Variants in ARHGAP33 observed in about 807,000 individuals in gnomAD.
The protein encoded by ARHGAP33 is Rho GTPase activating protein 33, also known as rho GTPase-activating protein 33.
A neutral mutation model predicts 126.2 loss-of-function variants in ARHGAP33; 57 were observed. The ratio of observed to expected loss-of-function variants is 0.45; its 90% confidence interval spans 0.36 to 0.56. The LOEUF (loss-of-function observed/expected upper bound fraction) is 0.56. Among genes scored for constraint, ARHGAP33 ranks in the 20% least tolerant of loss-of-function variants. The probability of loss-of-function intolerance (pLI) is 0.00; values close to 1 mark genes in which losing one functional copy is unlikely to be tolerated. For missense variants in ARHGAP33, 1,500 were observed against 1,748.3 expected (o/e 0.86, Z 2.53); for synonymous variants, 711 against 755.0 (o/e 0.94, Z 0.95).
In ARHGAP33 at chr19:35,785,425, C is replaced by T. The variant is rs140975651; in HGVS notation, c.1884C>T (p.Thr628=). The change falls in exon 19 of 21, where the codon ACC becomes ACT. Residue 628 remains threonine, a synonymous_variant. Coordinates refer to ENST00000007510, the MANE Select transcript of ARHGAP33 (RefSeq NM_001366178.1). ...CTCCTGCAGGCAGCAGACCCGACAC[C>T]GTCACACTGAGATCTGCCAAGAGCG... ...PPQPSGSRPD[T]VTLRSAKSEE... is the part of the protein sequence containing the mutation. 1,294 of 1,614,156 alleles carry T rather than the reference C, an allele frequency of 8.0e-4. 15 individuals are homozygous for T. The African/African-American group carries it at 0.016, about 19-fold the overall frequency.
chr19:35,786,985 C>G lies in ARHGAP33; in HGVS notation c.2515C>G (p.Leu839Val). 3 of 1,610,558 alleles carry G rather than the reference C, an allele frequency of 1.9e-6. No individual in the cohort carries two copies. Among genetic ancestry groups the G allele is most frequent in the East Asian group, 2.2e-5 (1 of 44,760 alleles). ...GAGCCTGCGCCCCCATCTCATACCC[C>G]TGCTGCTGCGAGGAGCCGAGGCCCC... The part of the protein sequence containing the change: ...GRSLRPHLIP[L>V]LLRGAEAPLT... The change falls in exon 20 of 21, where the codon CTG becomes GTG. Residue 839 changes from leucine (L) to valine (V), a missense_variant. Physicochemically the swap from Leu to Val is conservative, Grantham distance 32. This residue lies in a region of ARHGAP33 where 642 missense variants were observed against 634.0 expected (regional missense o/e 1.01). Coordinates refer to ENST00000007510, the MANE Select transcript of ARHGAP33 (RefSeq NM_001366178.1). This position sits in a 1 kb window ranked among gnomAD's most constrained non-coding sequence, Gnocchi z 7.0.
intron 16 of ARHGAP33, 62 bp downstream of exon 16, chr19:35,784,379 AGGGCAGGTG>A: frequency 5.4e-6 from 8 of 1,468,776 alleles, no homozygotes; most frequent in Non-Finnish European, 7.2e-6. Flanking sequence ...CTGCAGGGGG[AGGGCAGGTG>A]GGCTCCCAGT....
chr19:35,785,588 C>G, intron 19 of ARHGAP33, 105 bp downstream of exon 19: 1 of 1,545,362 alleles, frequency 6.5e-7, no homozygotes, highest in Non-Finnish European at 8.7e-7. Flanking sequence ...CATTTGGGGG[C>G]CCTGGGGCTT....
chr19:35,778,999 T>C, intron 5 of ARHGAP33, 33 bp from the exon 6 acceptor site: 2 of 1,532,118 alleles, frequency 1.3e-6, no homozygotes, highest in Non-Finnish European at 1.8e-6. Context: ...TCACGTCCAC[T>C]CACAGAGGCC....
intron 16 of ARHGAP33, 62 bp downstream of exon 16, chr19:35,784,379 A>G: frequency 2.0e-6 from 3 of 1,468,758 alleles, no homozygotes; most frequent in Admixed American, 2.4e-5. Context: ...CTGCAGGGGG[A>G]GGGCAGGTGG....
In ARHGAP33 at chr19:35,785,119, C is replaced by T. The variant is rs553100453; in HGVS notation, c.1721+13C>T. On this transcript the variant is annotated intron_variant, in intron 17 of 20. Coordinates refer to ENST00000007510, the MANE Select transcript of ARHGAP33 (RefSeq NM_001366178.1). ...CACCTGCGGAAAGGTGAGTGGGATG[C>T]TGGGGGTGGCGAGGGGCAGGTGGAG... is the stretch of plus-strand genomic sequence containing the variant. 87 of 1,590,636 alleles carry T rather than the reference C, an allele frequency of 5.5e-5. No homozygotes were observed. The highest frequency in any genetic ancestry group is 4.6e-4 in the African/African-American group (34 of 74,578).
intron 16 of ARHGAP33, chr19:35,784,655 C>G: frequency 7.7e-7 from 1 of 1,302,768 alleles, no homozygotes; most frequent in Non-Finnish European, 9.7e-7. Context: ...CGCCCTGCCC[C>G]GGACCCCAGC....
rs1354023808 is a variant in ARHGAP33, at chr19:35,782,282, G to A, written c.1086-91G>A. On this transcript the variant is annotated intron_variant, in intron 12 of 20. Coordinates refer to ENST00000007510, the MANE Select transcript of ARHGAP33 (RefSeq NM_001366178.1). This position sits in a 1 kb window ranked among gnomAD's most constrained non-coding sequence, Gnocchi z 4.1. ...GGGGAAGAGGGTTCCATCCACCTGC[G>A]GGCACTTGGGGGTAGGGGCAAGGGG... is the stretch of plus-strand genomic sequence containing the variant. 1.3e-5 allele frequency: 19 copies of A among 1,456,128 alleles called. No individual in the cohort carries two copies. Among genetic ancestry groups the A allele is most frequent in the Admixed American group, 3.7e-5 (2 of 53,850 alleles). 90.2% of individuals were successfully genotyped at this position (1,456,128 alleles called of 1,614,324 possible).
At chr19:35,781,619 C>T (rs932612662) in intron 12 of ARHGAP33, among the ~76,000 whole-genome samples, 2 of 152,106 alleles carry the variant, frequency 1.3e-5, no homozygotes, top group Non-Finnish European at 2.9e-5. Flanking sequence ...AGGATGGCGA[C>T]GAAGAGCCAA....
At chr19:35,783,835 C>T (rs906894832) in intron 15 of ARHGAP33, among the ~76,000 whole-genome samples, 1 of 142,716 alleles carries the variant, frequency 7.0e-6, no homozygotes, top group East Asian at 2.0e-4. Context: ...GGGTGGGGAC[C>T]GGAAGGAGGC....
chr19:35,788,786 A>G lies in ARHGAP33; in HGVS notation c.*357A>G, dbSNP rs1236908214. ...CTTTCCCCACATGCCCCACTAAACC[A>G]TCTGACAACATTAATGAATAAAATG... On this transcript the variant is annotated 3_prime_UTR_variant, in exon 21 of 21. Coordinates refer to ENST00000007510, the MANE Select transcript of ARHGAP33 (RefSeq NM_001366178.1). 9.1e-6 allele frequency: 2 copies of G among 219,042 alleles called. No individual in the cohort carries two copies. The highest frequency in any genetic ancestry group is 4.6e-5 in the African/African-American group (2 of 43,900). The allele number at this position is 219,042 out of a possible 1,614,324, so 13.6% of individuals were successfully genotyped here.
rs1200165951 is a variant in ARHGAP33, at chr19:35,782,624, G to C, written c.1258G>C (p.Glu420Gln). The change falls in exon 14 of 21, where the codon GAG (glutamate) becomes CAG (glutamine). Residue 420 changes from glutamate to glutamine, a missense_variant. Coordinates refer to ENST00000007510, the MANE Select transcript of ARHGAP33 (RefSeq NM_001366178.1). This position sits in a 1 kb window ranked among gnomAD's most constrained non-coding sequence, Gnocchi z 4.1. ...GGCCATGTCAGTGCCTGGGGAGGAG[G>C]AGCGTCTGGTGCGGGTGCACGATGT... ...SEAMSVPGEE[E>Q]RLVRVHDVIQ... 1.9e-6 allele frequency: 3 copies of C among 1,613,668 alleles called. No homozygotes were observed. Among genetic ancestry groups the C allele is most frequent in the Non-Finnish European group, 2.5e-6 (3 of 1,179,932 alleles).
chr19:35,778,650 C>A, intron 5 of ARHGAP33, 49 bp downstream of exon 5: 1 of 1,582,746 alleles, frequency 6.3e-7, no homozygotes. Context: ...TGTCCTCATC[C>A]ACAGTGTGAA....
At position 35,782,428 on chromosome 19, in the gene ARHGAP33, G is replaced by A; in HGVS notation, c.1141G>A (p.Asp381Asn). The change falls in exon 13 of 21, where the codon GAC (aspartate) becomes AAC (asparagine). Residue 381 changes from aspartate (D) to asparagine (N), a missense_variant. Physicochemically the swap from Asp to Asn is conservative, Grantham distance 23. This residue lies in a region of ARHGAP33 where 281 missense variants were observed against 413.7 expected (regional missense o/e 0.68). Coordinates refer to ENST00000007510, the MANE Select transcript of ARHGAP33 (RefSeq NM_001366178.1). This position sits in a 1 kb window ranked among gnomAD's most constrained non-coding sequence, Gnocchi z 4.1. ...GCTGTCTGGCCCTGCATTCCTGCAG[G>A]ACATCCACAGCGTGTCCTCCCTCTG... Reference protein sequence around the residue: ...PELSGPAFLQDIHSVSSLCKL... With the variant: ...PELSGPAFLQNIHSVSSLCKL... 1 of 1,613,242 alleles carries A rather than the reference G, an allele frequency of 6.2e-7. No homozygotes were observed. Among genetic ancestry groups the A allele is most frequent in the Non-Finnish European group, 8.5e-7 (1 of 1,179,248 alleles).
chr19:35,786,009 C>T lies in ARHGAP33; in HGVS notation c.1943-404C>T. 1 of 1,113,722 alleles carries T rather than the reference C, an allele frequency of 9.0e-7. No individual in the cohort carries two copies. The highest frequency in any genetic ancestry group is 1.1e-6 in the Non-Finnish European group (1 of 910,762). 69.0% of individuals were successfully genotyped at this position (1,113,722 alleles called of 1,614,324 possible). A position where few individuals can be genotyped will look rare whatever the true frequency, so the allele number is the denominator to read the frequency against. ...TTTTTCTCCATCGCTACCTCACAGC[C>T]CGCCGCGCTGCTGGGTGCTGCTCTC... On this transcript the variant is annotated intron_variant, in intron 19 of 20. Coordinates refer to ENST00000007510, the MANE Select transcript of ARHGAP33 (RefSeq NM_001366178.1). The surrounding 1 kb of genome is among the most constrained non-coding windows in gnomAD (Gnocchi z 7.0).
Position 35,785,164 on chromosome 19 carries a change from C to T in ARHGAP33, c.1722-25C>T, listed in dbSNP as rs770243860. ...GTGGAGGCCTGGTTCCTCAGACGGCCTCCTGTTTCTCCCCCAAACCGCAGG... is the reference window on the plus strand; with the variant it reads ...GTGGAGGCCTGGTTCCTCAGACGGCTTCCTGTTTCTCCCCCAAACCGCAGG... On this transcript the variant is annotated intron_variant, in intron 17 of 20. Coordinates refer to ENST00000007510, the MANE Select transcript of ARHGAP33 (RefSeq NM_001366178.1). 1.2e-5 allele frequency: 19 copies of T among 1,576,870 alleles called. 1 individual carries two copies. The South Asian group carries it at 1.7e-4, about 14-fold the overall frequency.
chr19:35,781,372 G>A, intron 12 of ARHGAP33, 120 bp downstream of exon 12: 1 of 1,000,150 alleles, frequency 1.0e-6, no homozygotes, highest in Non-Finnish European at 1.5e-6. Context: ...GATCAAGGCT[G>A]GGGTCAGGGA....
intron 1 of ARHGAP33, among the ~76,000 whole-genome samples, chr19:35,776,422 CAG>C (rs931230271): frequency 2.0e-5 from 3 of 152,068 alleles, no homozygotes; most frequent in African/African-American, 7.2e-5. Context: ...GCTCCAGGCA[CAG>C]AGAGAGTCAG....
intron 10 of ARHGAP33, 38 bp from the exon 11 acceptor site, chr19:35,780,882 C>G (rs369391023): frequency 1.2e-6 from 2 of 1,612,182 alleles, no homozygotes. Context: ...GCTGACCCCA[C>G]AAGACCTGCC....
Sources: gnomAD v4.1 joint callset for allele counts (sites outside exome capture counted in the v4.1 genomes callset) on GRCh38, gnomAD v4.1.1 for gene constraint, gnomAD v4.1.1 regional missense constraint, Gnocchi (gnomAD v3.1) non-coding constraint, MANE v1.5 for transcripts, NCBI Gene and HGNC (gene_info 2026-07-23, HGNC 2026-07-21) for gene names.